PKD2: variants seen among roughly 807,000 people sequenced by gnomAD.
PKD2 encodes polycystin-2.
In PKD2, 48 loss-of-function variants were observed where a neutral mutation model predicts 105.9. The ratio of observed to expected loss-of-function variants is 0.45; its 90% CI spans 0.36 to 0.58. The LOEUF (loss-of-function observed/expected upper bound fraction) is 0.58, where lower values mean the gene tolerates loss of function less well. Among genes scored for constraint, PKD2 ranks in the 20% least tolerant of loss-of-function variants. The pLI is 0.00. For missense variants in PKD2, 1,078 were observed against 1,255.3 expected, an observed-to-expected ratio of 0.86 and a Z score of 2.13; for synonymous variants, 464 against 481.1, an observed-to-expected ratio of 0.96 and a Z score of 0.46.
rs984104344 is a variant in PKD2, at chr4:88,052,102, T to C, written c.1660T>C (p.Trp554Arg). ...CCCCAACTTTGAGCATCTGGCATAT[T>C]GGCAGATACAGTTCAACAATATAGC... ...TFPNFEHLAY[W>R]QIQFNNIAAV... The change falls in exon 7 of 15, where the codon TGG becomes CGG. Residue 554 changes from tryptophan to arginine, a missense_variant. Physicochemically the swap from Trp to Arg is moderately radical, Grantham distance 101 (BLOSUM62 -3). This residue lies in a region of PKD2 where 868 missense variants were observed against 1,067.3 expected (regional missense o/e 0.81). Coordinates refer to ENST00000237596, the MANE Select transcript of PKD2 (RefSeq NM_000297.4). 1 of 1,609,052 alleles carries C rather than the reference T, an allele frequency of 6.2e-7. No individual in the cohort carries two copies. Among genetic ancestry groups the C allele is most frequent in the Non-Finnish European group, 8.5e-7 (1 of 1,175,520 alleles).
At chr4:88,017,062 G>A (rs540666676) in intron 1 of PKD2, among the ~76,000 whole-genome samples, 39 of 151,686 alleles carry the variant, frequency 2.6e-4, no homozygotes, top group African/African-American at 9.2e-4. Flanking sequence ...GCAGTGGCAT[G>A]CCTGTAATCC....
chr4:88,056,192 T>C lies in PKD2; in HGVS notation c.1823T>C (p.Phe608Ser). The C allele has an allele frequency of 6.2e-7, 1 of 1,613,720 alleles. No individual in the cohort carries two copies. Among genetic ancestry groups the C allele is most frequent in the Non-Finnish European group, 8.5e-7 (1 of 1,179,632 alleles). ...FGFAIMFFII[F>S]LAYAQLAYLV... is the part of the protein sequence containing the mutation. ...TTTGCTATTATGTTCTTCATTATTT[T>C]CCTAGCGTATGCTCAGTTGGCATAC... Residue 608 changes from phenylalanine (F) to serine (S), a missense_variant, in exon 8 of 15, where the codon TTC becomes TCC. Phe to Ser is a radical substitution (Grantham distance 155). Around this residue, in one of 2 missense-constraint regions of PKD2, gnomAD observed 868 missense variants for 1,067.3 expected, o/e 0.81. Coordinates refer to ENST00000237596, the MANE Select transcript of PKD2 (RefSeq NM_000297.4).
At chr4:88,034,649 C>T (rs1242014280) in intron 2 of PKD2, among the ~76,000 whole-genome samples, 5 of 98,780 alleles carry the variant, frequency 5.1e-5, no homozygotes, top group African/African-American at 1.2e-4. Flanking sequence ...GACTGGGCAA[C>T]AACAGTGAAA....
intron 1 of PKD2, among the ~76,000 whole-genome samples, chr4:88,012,041 C>G (rs1726401937): frequency 6.6e-6 from 1 of 152,116 alleles, no homozygotes; most frequent in Admixed American, 6.5e-5. Flanking sequence ...ACAGTACAGC[C>G]ACCCCACACA....
intron 2 of PKD2, among the ~76,000 whole-genome samples, chr4:88,024,507 G>GA (rs1321116601): frequency 8.6e-4 from 69 of 79,770 alleles, no homozygotes; most frequent in Middle Eastern, 7.5e-3. Flanking sequence ...AGGAAGGAAA[G>GA]AAAAAAAAAG....
intron 4 of PKD2, among the ~76,000 whole-genome samples, chr4:88,040,495 A>G (rs1244022260): frequency 2.6e-5 from 4 of 152,194 alleles, no homozygotes; most frequent in Non-Finnish European, 5.9e-5. Flanking sequence ...TTATTCTTCT[A>G]CATTCTCAAG....
At chr4:88,052,881 G>A (rs750004603) in intron 7 of PKD2, among the ~76,000 whole-genome samples, 9 of 152,076 alleles carry the variant, frequency 5.9e-5, no homozygotes, top group Non-Finnish European at 1.3e-4. Flanking sequence ...AGGCTGTAAG[G>A]GAAGCTTTAC....
At position 88,031,224 on chromosome 4, in the gene PKD2, A is replaced by G. The variant is rs542338314; in HGVS notation, c.710-4996A>G. On this transcript the variant is annotated intron_variant, in intron 2 of 14. Coordinates refer to ENST00000237596, the MANE Select transcript of PKD2 (RefSeq NM_000297.4). ...TAATGTAAGTATTCTAAACATGTTTAAGGTAGGCCAGGCTAAGCTGTGTTG... is the reference window on the plus strand; with the variant it reads ...TAATGTAAGTATTCTAAACATGTTTGAGGTAGGCCAGGCTAAGCTGTGTTG... 4.6e-5 allele frequency among the ~76,000 whole-genome samples: 7 copies of G among 152,358 alleles called. No individual in the cohort carries two copies. In the South Asian group the frequency reaches 1.4e-3, roughly 32 times the overall value.
intron 2 of PKD2, among the ~76,000 whole-genome samples, chr4:88,028,886 A>G (rs1377262187): frequency 6.6e-6 from 1 of 152,234 alleles, no homozygotes; most frequent in Non-Finnish European, 1.5e-5. Context: ...CACTTTTAAA[A>G]CAAAATAATA....
chr4:88,073,188 TAAAA>T (rs370425542), intron 13 of PKD2, among the ~76,000 whole-genome samples: 3 of 115,920 alleles, frequency 2.6e-5, no homozygotes, highest in South Asian at 2.7e-4. Context: ...TTGTCTCTAT[TAAAA>T]AAAAAAAAAA....
chr4:88,065,375 G>A lies in PKD2; in HGVS notation c.2120G>A (p.Gly707Asp), dbSNP rs1423262853. ...EMELSDLIRKGYHKALVKLKL... is the reference protein window; with the variant it reads ...EMELSDLIRKDYHKALVKLKL... ...TTTTATTTTTTCTCTCTCTGATAGGGCTACCATAAAGCTTTGGTCAAACTA... is the reference window on the plus strand; with the variant it reads ...TTTTATTTTTTCTCTCTCTGATAGGACTACCATAAAGCTTTGGTCAAACTA... Residue 707 changes from glycine (G) to aspartate (D), a missense_variant and splice_region_variant, in exon 11 of 15, where the codon GGC becomes GAC. Gly to Asp is a moderately conservative substitution (Grantham distance 94). Coordinates refer to ENST00000237596, the MANE Select transcript of PKD2 (RefSeq NM_000297.4). The A allele has an allele frequency of 6.8e-6, 11 of 1,611,328 alleles. No homozygotes were observed. Among genetic ancestry groups the A allele is most frequent in the Non-Finnish European group, 9.3e-6 (11 of 1,177,650 alleles).
chr4:88,072,179 T>TA (rs1462821164), intron 13 of PKD2, among the ~76,000 whole-genome samples: 1 of 151,712 alleles, frequency 6.6e-6, no homozygotes, highest in Non-Finnish European at 1.5e-5. Flanking sequence ...GATGGGGTTT[T>TA]ACCATGTTGC....
At chr4:88,073,766 G>A (rs1721127290) in intron 13 of PKD2, among the ~76,000 whole-genome samples, 2 of 152,092 alleles carry the variant, frequency 1.3e-5, no homozygotes, top group Admixed American at 6.6e-5. Context: ...TTGAATAAAT[G>A]CTTTTTCATT....
intron 13 of PKD2, among the ~76,000 whole-genome samples, chr4:88,073,186 AT>A (rs1721100668): frequency 6.9e-6 from 1 of 145,578 alleles, no homozygotes; most frequent in Non-Finnish European, 1.5e-5. Flanking sequence ...CTTTGTCTCT[AT>A]TAAAAAAAAA....
At chr4:88,028,004 G>T (rs768151686) in intron 2 of PKD2, among the ~76,000 whole-genome samples, 7 of 152,156 alleles carry the variant, frequency 4.6e-5, no homozygotes, top group Non-Finnish European at 7.4e-5. Context: ...GTATGAAAAT[G>T]GACTACTACA....
rs759891096 is a variant in PKD2 at position 88,075,502 on chromosome 4, G to A, written c.2715G>A (p.Met905Ile). 1 of 1,614,128 alleles carries A rather than the reference G, an allele frequency of 6.2e-7. No individual in the cohort carries two copies. Among genetic ancestry groups the A allele is most frequent in the Admixed American group, 1.7e-5 (1 of 60,022 alleles). The change falls in exon 15 of 15, where the codon ATG (methionine) becomes ATA (isoleucine). Residue 905 changes from methionine to isoleucine, a missense_variant. By Grantham distance (10) the Met-to-Ile change is conservative (BLOSUM62 1). Transcript: ENST00000237596. Reference protein sequence around the residue: ...GRDSEIHREQMERLVREELER... With the variant: ...GRDSEIHREQIERLVREELER... The stretch of plus-strand genomic sequence containing the variant: ...ACAGTGAAATCCATAGGGAACAGAT[G>A]GAACGGCTAGTACGTGAAGAGTTGG...
Position 88,075,392 on chromosome 4 carries a change from G to T in PKD2, c.2671-66G>T, listed in dbSNP as rs112301342. On this transcript the variant is annotated intron_variant, in intron 14 of 14. Coordinates refer to ENST00000237596, the MANE Select transcript of PKD2 (RefSeq NM_000297.4). ...GCCTTACCAAACTACAGATTATTTG[G>T]TCCCTGGACTTCCTAAGGCATTTCC... 891 of 1,110,532 alleles carry T rather than the reference G, an allele frequency of 8.0e-4. 20 individuals carry two copies. The South Asian group carries it at 9.0e-3, about 11-fold the overall frequency. 68.8% of individuals were successfully genotyped at this position (1,110,532 alleles called of 1,614,324 possible).
At chr4:88,036,391 A>G in intron 3 of PKD2, 38 bp downstream of exon 3, 1 of 1,610,938 alleles carries the variant, frequency 6.2e-7, no homozygotes, top group Non-Finnish European at 8.5e-7. Flanking sequence ...TCTCTATCAC[A>G]GAAAATTGTT....
intron 5 of PKD2, among the ~76,000 whole-genome samples, chr4:88,044,862 T>C (rs1578134765): frequency 6.6e-6 from 1 of 151,998 alleles, no homozygotes; most frequent in Non-Finnish European, 1.5e-5. Context: ...TTAGAAATAC[T>C]CAAGCTGTCC....
Sources: allele counts gnomAD v4.1 joint callset (sites outside exome capture counted in the v4.1 genomes callset), GRCh38; gene constraint gnomAD v4.1.1; regional missense constraint gnomAD v4.1.1; transcripts MANE v1.5; gene names NCBI Gene and HGNC (gene_info 2026-07-23, HGNC 2026-07-21).